The following OSBPL10 variants were observed in gnomAD, a reference collection of about 807,000 sequenced individuals.
OSBPL10 encodes oxysterol binding protein like 10.
In OSBPL10, 49 loss-of-function variants were observed where a neutral mutation model predicts 81.7. The ratio of observed to expected loss-of-function variants is 0.60; its 90% CI spans 0.48 to 0.76. OSBPL10 has a LOEUF of 0.76. Ranked by LOEUF, OSBPL10 falls within the 30% of genes least tolerant of loss-of-function variation. OSBPL10 has a pLI of 0.00. For missense variants in OSBPL10, 923 were observed against 987.8 expected (o/e 0.93, Z 0.88); for synonymous variants, 419 against 383.6 (o/e 1.09, Z -1.08).
At chr3:31,735,053 T>C (rs9874182) in intron 5 of OSBPL10, among the ~76,000 whole-genome samples, 15,733 of 152,276 alleles carry the variant, frequency 0.1, 1,563 homozygotes, top group African/African-American at 0.26. Flanking sequence ...TGTGTGCTGC[T>C]GTATGCAGTA....
At chr3:31,662,252 T>G in intron 11 of OSBPL10, 136 bp from the exon 12 acceptor site, 1 of 1,481,858 alleles carries the variant, frequency 6.7e-7, no homozygotes, top group Non-Finnish European at 9.0e-7. Context: ...CTGGCCTCAG[T>G]ACCCCTCCTC....
intron 4 of OSBPL10, among the ~76,000 whole-genome samples, chr3:31,788,033 T>C (rs1359706576): frequency 2.0e-5 from 3 of 152,156 alleles, no homozygotes; most frequent in African/African-American, 7.2e-5. Flanking sequence ...TTACACAAAT[T>C]GACAAAGATG....
chr3:32,057,735 G>C (rs1699723708), intron 1 of OSBPL10, among the ~76,000 whole-genome samples: 1 of 152,204 alleles, frequency 6.6e-6, no homozygotes, highest in Admixed American at 6.5e-5. Context: ...CAAATGAGAT[G>C]TGGGTGAGGA....
At chr3:31,794,079 T>G (rs1379743685) in intron 4 of OSBPL10, among the ~76,000 whole-genome samples, 4 of 152,232 alleles carry the variant, frequency 2.6e-5, no homozygotes, top group Non-Finnish European at 5.9e-5. Flanking sequence ...TTGCCCCTGC[T>G]GCACAGAAGC....
intron 1 of OSBPL10, among the ~76,000 whole-genome samples, chr3:31,941,412 T>C (rs1014982116): frequency 1.3e-5 from 2 of 152,222 alleles, no homozygotes; most frequent in Non-Finnish European, 2.9e-5. Context: ...AAGTGGTCAC[T>C]TTTTCAGTTG....
intron 4 of OSBPL10, among the ~76,000 whole-genome samples, chr3:31,811,927 A>G (rs904815884): frequency 3.3e-5 from 5 of 152,210 alleles, no homozygotes; most frequent in African/African-American, 1.2e-4. Context: ...TTCAAAGTCT[A>G]ATTTGTTTAA....
intron 1 of OSBPL10, among the ~76,000 whole-genome samples, chr3:31,967,009 AT>A (rs921219017): frequency 0.014 from 2,085 of 146,518 alleles, 39 homozygotes; most frequent in African/African-American, 0.044. Context: ...CTCTGAGGGG[AT>A]TTTTTTTTTT....
intron 4 of OSBPL10, among the ~76,000 whole-genome samples, chr3:31,764,898 T>A (rs191587532): frequency 6.6e-6 from 1 of 152,350 alleles, no homozygotes; most frequent in East Asian, 1.9e-4. Context: ...TCAATTTTTA[T>A]TCCTTCTTCG....
intron 1 of OSBPL10, among the ~76,000 whole-genome samples, chr3:31,970,435 G>A (rs1051058518): frequency 1.5e-4 from 23 of 152,322 alleles, no homozygotes; most frequent in Middle Eastern, 3.4e-3. Context: ...AACAGGAAAG[G>A]AAAAGGTAAG....
chr3:32,047,653 C>T (rs1310830089), intron 1 of OSBPL10, among the ~76,000 whole-genome samples: 4 of 151,690 alleles, frequency 2.6e-5, no homozygotes, highest in Non-Finnish European at 5.9e-5. Context: ...TTACTACAAC[C>T]TGTTTTTTGT....
chr3:31,739,136 T>C (rs1697270157), intron 5 of OSBPL10, among the ~76,000 whole-genome samples: 1 of 152,118 alleles, frequency 6.6e-6, no homozygotes, highest in Admixed American at 6.6e-5. Context: ...GATCACTGCA[T>C]ACCACAATCT....
In OSBPL10 at chr3:31,980,937, G is replaced by C. The variant is rs150031339; in HGVS notation, c.243C>G (p.Leu81=). 3 of 1,581,054 alleles carry C rather than the reference G, an allele frequency of 1.9e-6. No homozygotes were observed. Among genetic ancestry groups the C allele is most frequent in the African/African-American group, 1.4e-5 (1 of 71,416 alleles). ...RRREPALEGV[L]SKYTNLLQGW... ...CCTGGAGGAGGTTGGTGTATTTGCT[G>C]AGCACGCCCTCGAGCGCCGGCTCCC... Residue 81 remains leucine (L), a synonymous_variant, in exon 1 of 12, where the codon CTC becomes CTG. Coordinates refer to ENST00000396556, the MANE Select transcript of OSBPL10 (RefSeq NM_017784.5).
Position 31,683,903 on chromosome 3 carries a change from G to A in OSBPL10, c.1457C>T (p.Thr486Ile). Residue 486 changes from threonine to isoleucine, a missense_variant, in exon 8 of 12, where the codon ACA (threonine) becomes ATA (isoleucine). Coordinates refer to ENST00000396556, the MANE Select transcript of OSBPL10 (RefSeq NM_017784.5). ...KKPYNPIIGE[T>I]FHCSWEVPKD... is the part of the protein sequence containing the mutation. ...GGGAACTTCCCAGGAGCAGTGAAAT[G>A]TCTCGCCTATGATGGGGTTGTAGGG... 4 of 1,614,236 alleles carry A rather than the reference G, an allele frequency of 2.5e-6. No individual in the cohort carries two copies. The highest frequency in any genetic ancestry group is 2.2e-5 in the South Asian group (2 of 91,092).
chr3:31,861,224 C>T (rs919884229), intron 3 of OSBPL10, among the ~76,000 whole-genome samples: 4 of 152,096 alleles, frequency 2.6e-5, no homozygotes, highest in African/African-American at 4.8e-5. Flanking sequence ...ATACAGTCAT[C>T]CCCTTGGTGT....
intron 1 of OSBPL10, among the ~76,000 whole-genome samples, chr3:31,978,112 G>C (rs1178566311): frequency 1.3e-5 from 2 of 152,194 alleles, no homozygotes; most frequent in African/African-American, 4.8e-5. Flanking sequence ...GGACACCAGG[G>C]TACAAACTGT....
chr3:31,945,149 CAA>C (rs71628589), intron 1 of OSBPL10, among the ~76,000 whole-genome samples: 7,504 of 81,694 alleles, frequency 0.092, 389 homozygotes, highest in African/African-American at 0.24. Flanking sequence ...GACTCCGTCT[CAA>C]AAAAAAAAAA....
chr3:31,893,343 A>G (rs1695956160), intron 1 of OSBPL10, among the ~76,000 whole-genome samples: 1 of 152,248 alleles, frequency 6.6e-6, no homozygotes, highest in South Asian at 2.1e-4. Flanking sequence ...CTTTAGAAAA[A>G]TGCAAATTAA....
chr3:31,819,159 T>G (rs954112437), intron 4 of OSBPL10, among the ~76,000 whole-genome samples: 1 of 152,140 alleles, frequency 6.6e-6, no homozygotes, highest in African/African-American at 2.4e-5. Context: ...AGGGGTAGGA[T>G]GGACAGGAGA....
chr3:32,008,525 G>A (rs969099179), intron 2 of OSBPL10, among the ~76,000 whole-genome samples: 5 of 150,622 alleles, frequency 3.3e-5, no homozygotes, highest in Non-Finnish European at 7.4e-5. Context: ...GAGCCCAGGA[G>A]TTCAAGACCA....
Sources: allele counts gnomAD v4.1 joint callset (sites outside exome capture counted in the v4.1 genomes callset), GRCh38; gene constraint gnomAD v4.1.1; transcripts MANE v1.5; gene names NCBI Gene and HGNC (gene_info 2026-07-23, HGNC 2026-07-21).